The following UNC13C variants were observed in gnomAD, a reference collection of about 807,000 sequenced individuals.
The protein encoded by UNC13C is protein unc-13 homolog C.
UNC13C carries 174 observed loss-of-function variants against 245.4 expected under a neutral mutation model. The ratio of observed to expected loss-of-function variants is 0.71; its 90% CI spans 0.63 to 0.80. The LOEUF (loss-of-function observed/expected upper bound fraction) is 0.80, where lower values mean the gene tolerates loss of function less well. UNC13C is among the 30% of genes least tolerant of loss of function. The pLI, the probability that UNC13C is intolerant of heterozygous loss-of-function variation, is 0.00. For synonymous variants in UNC13C, 992 were observed against 895.1 expected, an observed-to-expected ratio of 1.11 and a Z score of -1.93; for missense variants, 2,829 against 2,602.9, an observed-to-expected ratio of 1.09 and a Z score of -1.89.
intron 2 of UNC13C, among the ~76,000 whole-genome samples, chr15:54,030,360 C>T (rs1309904604): frequency 6.6e-6 from 1 of 152,150 alleles, no homozygotes; most frequent in Admixed American, 6.5e-5. Flanking sequence ...ATACCTGCCC[C>T]TGCGGTTAGT....
chr15:54,104,494 T>A (rs1900333111), intron 2 of UNC13C, among the ~76,000 whole-genome samples: 1 of 152,120 alleles, frequency 6.6e-6, no homozygotes, highest in Non-Finnish European at 1.5e-5. Flanking sequence ...CTTATCTGTT[T>A]TATTTTCCTT....
chr15:54,176,250 C>T (rs988295246), intron 4 of UNC13C, among the ~76,000 whole-genome samples: 2 of 152,076 alleles, frequency 1.3e-5, no homozygotes, highest in Non-Finnish European at 2.9e-5. Context: ...AAGAAAGTGT[C>T]TCCCACTTTT....
chr15:54,148,191 T>C (rs1343757068), intron 4 of UNC13C, among the ~76,000 whole-genome samples: 1 of 152,168 alleles, frequency 6.6e-6, no homozygotes, highest in Non-Finnish European at 1.5e-5. Context: ...GAAGCTTCTA[T>C]TTTGACCTCA....
intron 25 of UNC13C, 131 bp from the exon 26 acceptor site, chr15:54,532,786 A>G (rs541447156): frequency 3.3e-5 from 20 of 609,756 alleles, no homozygotes; most frequent in African/African-American, 2.8e-4. Context: ...GCAGTTAAAC[A>G]TTGAATTCGA....
At chr15:54,274,152 G>T (rs2036767942) in intron 10 of UNC13C, among the ~76,000 whole-genome samples, 1 of 152,118 alleles carries the variant, frequency 6.6e-6, no homozygotes, top group African/African-American at 2.4e-5. Flanking sequence ...AGGGAGGTAG[G>T]GGAGAAGTGG....
At chr15:54,608,814 T>C (rs1209072177) in intron 30 of UNC13C, among the ~76,000 whole-genome samples, 1 of 152,208 alleles carries the variant, frequency 6.6e-6, no homozygotes, top group Non-Finnish European at 1.5e-5. Context: ...ATTCATTCTG[T>C]TCATTACAGT....
At chr15:54,416,949 C>G (rs1356075523) in intron 19 of UNC13C, 1 of 456,374 alleles carries the variant, frequency 2.2e-6, no homozygotes, top group Non-Finnish European at 4.4e-6. Flanking sequence ...ATTTTTCTTC[C>G]CACCAATCTT....
In UNC13C at chr15:54,274,298, A is replaced by C. The variant is rs763631343; in HGVS notation, c.3818+8802A>C. Among the ~76,000 whole-genome samples the C allele has an allele frequency of 7.3e-4, 111 of 152,346 alleles. 1 individual carries two copies. Among genetic ancestry groups the C allele is most frequent in the Admixed American group, 3.5e-3 (54 of 15,304 alleles). On this transcript the variant is annotated intron_variant, in intron 10 of 32. Coordinates refer to ENST00000260323, the MANE Select transcript of UNC13C (RefSeq NM_001080534.3). ...TAAATAGGTAAGCAATGTGTTGAAG[A>C]AATATTAATGGCAAGGAAGAAATAT...
intron 4 of UNC13C, among the ~76,000 whole-genome samples, chr15:54,210,923 A>G (rs1018469770): frequency 5.3e-5 from 8 of 152,144 alleles, no homozygotes; most frequent in African/African-American, 1.7e-4. Flanking sequence ...GGGAGACATT[A>G]TATTTATTAC....
chr15:54,114,932 T>C (rs148551729), intron 2 of UNC13C, among the ~76,000 whole-genome samples: 31 of 152,270 alleles, frequency 2.0e-4, no homozygotes, highest in African/African-American at 6.5e-4. Flanking sequence ...GCTGAAGATT[T>C]GAGCATCTTT....
At chr15:54,623,280 C>A (rs924608319) in intron 31 of UNC13C, among the ~76,000 whole-genome samples, 1 of 151,298 alleles carries the variant, frequency 6.6e-6, no homozygotes, top group Non-Finnish European at 1.5e-5. Flanking sequence ...AGCCACAGAG[C>A]AAAATATTAT....
At chr15:54,287,769 G>A (rs2037186919) in intron 10 of UNC13C, among the ~76,000 whole-genome samples, 1 of 152,072 alleles carries the variant, frequency 6.6e-6, no homozygotes, top group Non-Finnish European at 1.5e-5. Context: ...GGGAAGGAGG[G>A]GAGTGGTTTG....
chr15:54,338,354 T>TTGTC lies in UNC13C; in HGVS notation c.4585-6_4585-3dup, dbSNP rs57449290. ...CATTTGAGAAAATAAATGTCTGTCT[T>TTGTC]TGTCAGGTTCTGGAGCTGCAAAGCC... On this transcript the variant is annotated splice_region_variant and splice_polypyrimidine_tract_variant and intron_variant, in intron 16 of 32. Transcript: ENST00000260323. 490,899 of 1,608,032 alleles carry TTGTC rather than the reference T, an allele frequency of 0.31. 76,914 individuals are homozygous for TTGTC. Among genetic ancestry groups the TTGTC allele is most frequent in the Admixed American group, 0.35 (20,981 of 59,714 alleles).
chr15:54,206,625 G>A (rs555168021), intron 4 of UNC13C, among the ~76,000 whole-genome samples: 1 of 152,064 alleles, frequency 6.6e-6, no homozygotes, highest in Non-Finnish European at 1.5e-5. Flanking sequence ...CTAGGATCAG[G>A]TGAAGGAAAT....
chr15:54,353,566 G>A (rs893815048), intron 17 of UNC13C, among the ~76,000 whole-genome samples: 3 of 152,118 alleles, frequency 2.0e-5, no homozygotes, highest in Non-Finnish European at 4.4e-5. Context: ...CTTTCGTTGG[G>A]CTTCTGCTAA....
In UNC13C at chr15:54,322,017, T is replaced by C. The variant is rs1337054816; in HGVS notation, c.4347T>C (p.Asn1449=). 4.4e-6 allele frequency: 7 copies of C among 1,588,586 alleles called. No homozygotes were observed. Among genetic ancestry groups the C allele is most frequent in the Middle Eastern group, 1.7e-4 (1 of 6,014 alleles). ...TGAGCACCTTGCTGGCTAATATAAA[T>C]GCTTTTTATGCTCACACAACAGTTT... ...AVMSTLLANI[N]AFYAHTTVST... Residue 1449 remains asparagine, a synonymous_variant, in exon 14 of 33, where the codon AAT becomes AAC. Transcript: ENST00000260323.
At chr15:54,112,158 A>G (rs563203319) in intron 2 of UNC13C, among the ~76,000 whole-genome samples, 1 of 152,344 alleles carries the variant, frequency 6.6e-6, no homozygotes, top group Non-Finnish European at 1.5e-5. Flanking sequence ...TTCACAACTT[A>G]TGAAGCAACA....
Position 54,500,357 on chromosome 15 carries a change from T to TAAA in UNC13C, c.5157+194_5157+196dup, listed in dbSNP as rs35637614. Among the ~76,000 whole-genome samples the TAAA allele has an allele frequency of 1.7e-3, 249 of 144,254 alleles. 1 individual carries two copies. Among genetic ancestry groups the TAAA allele is most frequent in the Middle Eastern group, 0.011 (3 of 276 alleles). The allele number at this position is 144,254 out of a possible 152,430, so 94.6% of individuals were successfully genotyped here. ...ACCCTAGAAACTTGCCTACATTTATTAAAAAAAAAAAAAATCAATCACCCA... is the reference window on the plus strand; with the variant it reads ...ACCCTAGAAACTTGCCTACATTTATTAAAAAAAAAAAAAAAAATCAATCACCCA... On this transcript the variant is annotated intron_variant, in intron 21 of 32. Coordinates refer to ENST00000260323, the MANE Select transcript of UNC13C (RefSeq NM_001080534.3).
intron 2 of UNC13C, among the ~76,000 whole-genome samples, chr15:54,062,363 T>G (rs1367807135): frequency 6.6e-6 from 1 of 151,606 alleles, no homozygotes; most frequent in Non-Finnish European, 1.5e-5. Flanking sequence ...TGTGTGATTC[T>G]CCTAACATGG....
Sources: allele counts gnomAD v4.1 joint callset (sites outside exome capture counted in the v4.1 genomes callset), GRCh38; gene constraint gnomAD v4.1.1; transcripts MANE v1.5; gene names NCBI Gene and HGNC (gene_info 2026-07-23, HGNC 2026-07-21).